Variants in TNN observed in about 807,000 individuals in gnomAD.
The protein encoded by TNN is tenascin-N.
In TNN, 122 loss-of-function variants were observed where a neutral mutation model predicts 134.4. The observed-to-expected ratio is 0.91, with a 90% confidence interval of 0.78 to 1.06. The LOEUF (loss-of-function observed/expected upper bound fraction) is 1.06, where lower values mean the gene tolerates loss of function less well. Ranked by LOEUF, TNN falls within the 50% of genes least tolerant of loss-of-function variation. TNN has a pLI of 0.00. For synonymous variants in TNN, 710 were observed against 670.3 expected, an observed-to-expected ratio of 1.06 and a Z score of -0.91; for missense variants, 1,739 against 1,699.4, an observed-to-expected ratio of 1.02 and a Z score of -0.41.
At chr1:175,105,011 G>C (rs561519211) in intron 9 of TNN, among the ~76,000 whole-genome samples, 3 of 145,832 alleles carry the variant, frequency 2.1e-5, no homozygotes, top group African/African-American at 7.4e-5. Flanking sequence ...ATCCATACTG[G>C]GGATGGCTTG....
At chr1:175,080,926 A>C (rs144379714) in intron 4 of TNN, among the ~76,000 whole-genome samples, 1 of 152,246 alleles carries the variant, frequency 6.6e-6, no homozygotes, top group Non-Finnish European at 1.5e-5. Flanking sequence ...ACCTGCATCA[A>C]TAAGGATACT....
At position 175,118,724 on chromosome 1, in the gene TNN, T is replaced by A. The variant is rs773952967; in HGVS notation, c.2550T>A (p.Thr850=). 1.9e-6 allele frequency: 3 copies of A among 1,614,214 alleles called. No individual in the cohort carries two copies. The Admixed American group carries it at 5.0e-5, about 27-fold the overall frequency. The change falls in exon 11 of 19, where the codon ACT becomes ACA. Residue 850 remains threonine, a synonymous_variant. Transcript: ENST00000239462. The part of the protein sequence containing the change: ...EVPVGKEQSS[T]VLTGLRPGME... The stretch of plus-strand genomic sequence containing the variant: ...CAGTGGGGAAGGAGCAGAGCAGCAC[T>A]GTCCTGACGGGCCTGAGGCCGGGCA...
intron 15 of TNN, among the ~76,000 whole-genome samples, chr1:175,130,278 A>G (rs534226164): frequency 1.3e-5 from 2 of 152,370 alleles, no homozygotes; most frequent in Non-Finnish European, 2.9e-5. Context: ...TTGAGCAGCC[A>G]TGAATAAAAA....
chr1:175,112,162 T>G (rs1369435951), intron 9 of TNN, among the ~76,000 whole-genome samples: 2 of 152,184 alleles, frequency 1.3e-5, no homozygotes, highest in African/African-American at 2.4e-5. Context: ...TGAGGTATGC[T>G]TTTTTTATAT....
rs1177971211 is a variant in TNN at position 175,147,051 on chromosome 1, G to C, written c.3880G>C (p.Gly1294Arg). The change falls in exon 19 of 19, where the codon GGA becomes CGA. Residue 1294 changes from glycine to arginine, a missense_variant. By Grantham distance (125) the Gly-to-Arg change is moderately radical (BLOSUM62 -2). Transcript: ENST00000239462. ...GGGCAGAAAGAAGCGGACGCTGAGA[G>C]GAAGGCTGCGAACGTTCTGATGGCC... Reference protein sequence around the residue: ...VLGRKKRTLRGRLRTF With the variant: ...VLGRKKRTLRRRLRTF 1 of 1,587,266 alleles carries C rather than the reference G, an allele frequency of 6.3e-7. No individual in the cohort carries two copies.
Position 175,079,458 on chromosome 1 carries a change from G to C in TNN, c.535G>C (p.Gly179Arg), listed in dbSNP as rs1486997748. 1 of 1,569,778 alleles carries C rather than the reference G, an allele frequency of 6.4e-7. No individual in the cohort carries two copies. Among genetic ancestry groups the C allele is most frequent in the Admixed American group, 1.8e-5 (1 of 54,314 alleles). The part of the protein sequence containing the change: ...LACPGACSGH[G>R]RCVDGRCLCH... Reference sequence around the variant, plus strand: ...CTGCCCCGGGGCGTGCAGCGGCCACGGGCGTTGCGTGGACGGGCGCTGCCT... The same window carrying C: ...CTGCCCCGGGGCGTGCAGCGGCCACCGGCGTTGCGTGGACGGGCGCTGCCT... Residue 179 changes from glycine to arginine, a missense_variant, in exon 3 of 19, where the codon GGG (glycine) becomes CGG (arginine). Gly to Arg is a moderately radical substitution (Grantham distance 125). Coordinates refer to ENST00000239462, the MANE Select transcript of TNN (RefSeq NM_022093.2).
intron 1 of TNN, among the ~76,000 whole-genome samples, chr1:175,070,298 G>A (rs1475490636): frequency 6.6e-6 from 1 of 152,160 alleles, no homozygotes; most frequent in Admixed American, 6.5e-5. Context: ...CCTTTGCAAG[G>A]CAGATTAAGA....
At chr1:175,129,188 A>G (rs1675614067) in intron 15 of TNN, among the ~76,000 whole-genome samples, 1 of 152,208 alleles carries the variant, frequency 6.6e-6, no homozygotes, top group Admixed American at 6.5e-5. Flanking sequence ...TAATTTTCTT[A>G]ATTACTATAT....
In TNN at chr1:175,102,482, G is replaced by A. The variant is rs1046706016; in HGVS notation, c.2119+3887G>A. 9.6e-5 allele frequency among the ~76,000 whole-genome samples: 14 copies of A among 145,866 alleles called. 1 individual carries two copies. Among genetic ancestry groups the A allele is most frequent in the Non-Finnish European group, 1.2e-4 (8 of 65,616 alleles). The stretch of plus-strand genomic sequence containing the variant: ...GCTAAGGCTCGGCGAGAAATCGAGC[G>A]CAGTGCCGGTGGGCTGGCACTGCTG... On this transcript the variant is annotated intron_variant, in intron 9 of 18. Coordinates refer to ENST00000239462, the MANE Select transcript of TNN (RefSeq NM_022093.2).
chr1:175,078,008 G>A (rs1359185297), intron 2 of TNN, among the ~76,000 whole-genome samples, 181 bp downstream of exon 2: 1 of 152,162 alleles, frequency 6.6e-6, no homozygotes, highest in Non-Finnish European at 1.5e-5. Context: ...CTAGCTCCAG[G>A]GGGCATCTGG....
chr1:175,097,400 T>G lies in TNN; in HGVS notation c.1589-17T>G. ...GGGTGGTAAAGGCTACATTCTTCTT[T>G]CATCTCTCTCTTAAAGAAATTGACA... On this transcript the variant is annotated splice_polypyrimidine_tract_variant and intron_variant, in intron 7 of 18. Coordinates refer to ENST00000239462, the MANE Select transcript of TNN (RefSeq NM_022093.2). 1 of 1,613,856 alleles carries G rather than the reference T, an allele frequency of 6.2e-7. No homozygotes were observed. The highest frequency in any genetic ancestry group is 8.5e-7 in the Non-Finnish European group (1 of 1,179,756).
chr1:175,123,715 C>G (rs771045602), intron 12 of TNN, 52 bp downstream of exon 12: 29 of 1,603,610 alleles, frequency 1.8e-5, no homozygotes, highest in Non-Finnish European at 2.5e-5. Context: ...CAGGAGAGAA[C>G]CTTCCTCCAT....
intron 11 of TNN, among the ~76,000 whole-genome samples, chr1:175,123,076 C>T (rs1407453720): frequency 2.6e-5 from 4 of 152,088 alleles, no homozygotes; most frequent in Non-Finnish European, 5.9e-5. Flanking sequence ...AACTAGATAC[C>T]AGGGAGATCA....
rs11410834 is a variant in TNN at position 175,126,104 on chromosome 1, CT to C, written c.2915-836del. 7.8e-3 allele frequency among the ~76,000 whole-genome samples: 1,046 copies of C among 133,324 alleles called. 16 individuals are homozygous for C. The highest frequency in any genetic ancestry group is 0.027 in the African/African-American group (937 of 35,084). The allele number at this position is 133,324 out of a possible 152,430, so 87.5% of individuals were successfully genotyped here. A position where few individuals can be genotyped will look rare whatever the true frequency, so the allele number is the denominator to read the frequency against. ...AAGAAACATAACTTTTTGTTTCTTT[CT>C]TTTTTTTTTTTTTTAAGACAGAGTC... is the stretch of plus-strand genomic sequence containing the variant. On this transcript the variant is annotated intron_variant, in intron 12 of 18. Transcript: ENST00000239462.
At chr1:175,122,747 CA>C (rs1675409647) in intron 11 of TNN, among the ~76,000 whole-genome samples, 2 of 152,206 alleles carry the variant, frequency 1.3e-5, no homozygotes, top group Admixed American at 6.5e-5. Context: ...TCTCTTGAGA[CA>C]ATCTGTCAGT....
intron 3 of TNN, 151 bp from the exon 4 acceptor site, chr1:175,080,012 C>T: frequency 1.9e-6 from 2 of 1,059,266 alleles, no homozygotes; most frequent in Admixed American, 2.3e-5. Flanking sequence ...AATTACCTGT[C>T]GTTCGGATAA....
rs1171439724 is a variant in TNN at position 175,102,120 on chromosome 1, T to C, written c.2119+3525T>C. On this transcript the variant is annotated intron_variant, in intron 9 of 18. Coordinates refer to ENST00000239462, the MANE Select transcript of TNN (RefSeq NM_022093.2). ...GAGCAGCTAGATACAGAGTGTTGAT[T>C]GGTGCACTCACAAACCTTGAGCTAG... Among the ~76,000 whole-genome samples the C allele has an allele frequency of 5.5e-5, 8 of 145,588 alleles. 1 individual carries two copies. Among genetic ancestry groups the C allele is most frequent in the Non-Finnish European group, 3.1e-5 (2 of 65,532 alleles).
chr1:175,146,677 C>T (rs1676076986), intron 18 of TNN, among the ~76,000 whole-genome samples: 1 of 152,084 alleles, frequency 6.6e-6, no homozygotes, highest in African/African-American at 2.4e-5. Flanking sequence ...TTGCTCCCAC[C>T]ATAGAGACCG....
intron 11 of TNN, among the ~76,000 whole-genome samples, chr1:175,119,292 C>T (rs1308792799): frequency 6.6e-6 from 1 of 152,202 alleles, no homozygotes; most frequent in Non-Finnish European, 1.5e-5. Context: ...AGGGTGACTT[C>T]CTGACATTGC....
Sources: gnomAD v4.1 joint callset for allele counts (sites outside exome capture counted in the v4.1 genomes callset) on GRCh38, gnomAD v4.1.1 for gene constraint, MANE v1.5 for transcripts, NCBI Gene and HGNC (gene_info 2026-07-23, HGNC 2026-07-21) for gene names.